Variants in ABCA10 observed in about 807,000 individuals in gnomAD.
The protein encoded by ABCA10 is ATP-binding cassette sub-family A member 10.
Under a neutral mutation model 187.5 loss-of-function variants are expected in ABCA10, and 169 were observed. The observed-to-expected ratio is 0.90, with a 90% CI of 0.80 to 1.02. The LOEUF (loss-of-function observed/expected upper bound fraction) is 1.02. Among genes scored for constraint, ABCA10 ranks in the 50% least tolerant of loss-of-function variants. The pLI, the probability that ABCA10 is intolerant of heterozygous loss-of-function variation, is 0.00. For missense variants in ABCA10, 1,727 were observed against 1,812.4 expected, an observed-to-expected ratio of 0.95 and a Z score of 0.86; for synonymous variants, 574 against 601.8, an observed-to-expected ratio of 0.95 and a Z score of 0.68.
chr17:69,216,459 A>G, intron 6 of ABCA10, 101 bp from the exon 7 acceptor site: 1 of 1,320,292 alleles, frequency 7.6e-7, no homozygotes, highest in Non-Finnish European at 1.0e-6. Context: ...AATCAGGACT[A>G]AATTTATTCT....
chr17:69,178,474 A>G (rs1435880216), intron 22 of ABCA10, among the ~76,000 whole-genome samples: 1 of 152,168 alleles, frequency 6.6e-6, no homozygotes, highest in Non-Finnish European at 1.5e-5. Flanking sequence ...CTACTAAATC[A>G]GAATCTCTGG....
chr17:69,234,315 G>A (rs1568078867), intron 1 of ABCA10: 1 of 152,484 alleles, frequency 6.6e-6, no homozygotes, highest in Non-Finnish European at 1.5e-5. Context: ...AAGGGCTGAA[G>A]TCAAGTCACA....
chr17:69,200,774 G>A (rs1598111739), intron 10 of ABCA10, among the ~76,000 whole-genome samples: 1 of 152,040 alleles, frequency 6.6e-6, no homozygotes. Flanking sequence ...TGCAAGTGGC[G>A]CCATACTGGC....
chr17:69,187,250 A>G (rs1327422262), intron 19 of ABCA10, among the ~76,000 whole-genome samples: 1 of 152,134 alleles, frequency 6.6e-6, no homozygotes, highest in East Asian at 1.9e-4. Context: ...TCCACCATAT[A>G]TTTCATACCA....
intron 1 of ABCA10, chr17:69,234,772 T>C (rs979297753): frequency 3.9e-5 from 6 of 152,226 alleles, no homozygotes; most frequent in Non-Finnish European, 1.5e-5. Context: ...AAAATTTGCA[T>C]AGAGCAATGA....
At chr17:69,219,493 G>C in intron 6 of ABCA10, 52 bp downstream of exon 6, 2 of 1,310,010 alleles carry the variant, frequency 1.5e-6, no homozygotes, top group Non-Finnish European at 2.0e-6. Flanking sequence ...AACCTAGTTA[G>C]TTTCTCTAAT....
chr17:69,214,871 A>T lies in ABCA10; in HGVS notation c.859-20T>A, dbSNP rs1000853040. On this transcript the variant is annotated intron_variant, in intron 8 of 38. Transcript: ENST00000690296. ...TGTAATCTGAGATTTAAAAGAAAAA[A>T]TAAAATGTTAGATGAACTTATAAAA... The T allele has an allele frequency of 6.9e-7, 1 of 1,454,186 alleles. No individual in the cohort carries two copies. The highest frequency in any genetic ancestry group is 9.1e-7 in the Non-Finnish European group (1 of 1,093,024). 90.1% of individuals were successfully genotyped at this position (1,454,186 alleles called of 1,614,324 possible). A position where few individuals can be genotyped will look rare whatever the true frequency, so the allele number is the denominator to read the frequency against.
intron 9 of ABCA10, among the ~76,000 whole-genome samples, chr17:69,203,564 C>A (rs1320651894): frequency 6.6e-6 from 1 of 152,108 alleles, no homozygotes; most frequent in Non-Finnish European, 1.5e-5. Context: ...CTGTTCTCCC[C>A]TCTGCATTAC....
intron 9 of ABCA10, among the ~76,000 whole-genome samples, chr17:69,210,832 CACATATTTATGCCACATATATATATATAT>C (rs2074639522): frequency 7.9e-6 from 1 of 126,648 alleles, no homozygotes; most frequent in African/African-American, 4.3e-5. Flanking sequence ...ATATATATGC[CACATATTTATGCCACATATATATATATAT>C]ATATGCCATA....
intron 35 of ABCA10, 74 bp from the exon 36 acceptor site, chr17:69,152,257 T>A: frequency 6.4e-7 from 1 of 1,572,192 alleles, no homozygotes; most frequent in Non-Finnish European, 8.6e-7. Context: ...GAGGAAGGTG[T>A]TTAATTACAG....
In ABCA10 at chr17:69,221,849, C is replaced by A. The variant is rs776028682; in HGVS notation, c.246G>T (p.Lys82Asn). ...MHGEIFCYLA[K>N]YWLKGFVAFQ... Reference sequence around the variant, plus strand: ...AAGCTACAAACCCTTTTAGCCAGTACTTTGCCAAGTAACAAAAAATTTCAC... The same window carrying A: ...AAGCTACAAACCCTTTTAGCCAGTAATTTGCCAAGTAACAAAAAATTTCAC... Residue 82 changes from lysine (K) to asparagine (N), a missense_variant, in exon 5 of 39, where the codon AAG (lysine) becomes AAT (asparagine). Transcript: ENST00000690296. 1.9e-6 allele frequency: 3 copies of A among 1,613,204 alleles called. No homozygotes were observed. In the East Asian group the frequency reaches 6.7e-5, roughly 36 times the overall value.
chr17:69,149,205 T>G, intron 37 of ABCA10, 117 bp from the exon 38 acceptor site: 1 of 1,070,990 alleles, frequency 9.3e-7, no homozygotes, highest in South Asian at 1.5e-5. Context: ...ATAGGCCAAA[T>G]AATTACATTT....
intron 27 of ABCA10, among the ~76,000 whole-genome samples, chr17:69,161,989 T>A (rs142119364): frequency 0.012 from 1,852 of 152,338 alleles, 64 homozygotes; most frequent in Admixed American, 0.083. Flanking sequence ...AAAATTCATC[T>A]CTTTCATCTC....
chr17:69,181,998 T>C (rs1304917873), intron 22 of ABCA10, among the ~76,000 whole-genome samples, 155 bp downstream of exon 22: 1 of 152,130 alleles, frequency 6.6e-6, no homozygotes, highest in East Asian at 1.9e-4. Flanking sequence ...TTACGCTCCC[T>C]ACTTTGCAGA....
At position 69,193,823 on chromosome 17, in the gene ABCA10, C is replaced by T. The variant is rs780742051; in HGVS notation, c.1512G>A (p.Val504=). The change falls in exon 13 of 39, where the codon GTG becomes GTA. Residue 504 remains valine (V), a synonymous_variant. Transcript: ENST00000690296. ...AKIKGIQPKE[V]EQEVKRIIME... Reference sequence around the variant, plus strand: ...TAATGTGTTCCTGTACCTCTTGTTCCACTTCCTTTGGCTGAATCCCTTTTA... The same window carrying T: ...TAATGTGTTCCTGTACCTCTTGTTCTACTTCCTTTGGCTGAATCCCTTTTA... 5.6e-6 allele frequency: 9 copies of T among 1,613,178 alleles called. No individual in the cohort carries two copies. The highest frequency in any genetic ancestry group is 7.6e-6 in the Non-Finnish European group (9 of 1,179,632).
At chr17:69,210,845 C>CATATATATATATATATATAT (rs1568069877) in intron 9 of ABCA10, among the ~76,000 whole-genome samples, 6 of 13,252 alleles carry the variant, frequency 4.5e-4, no homozygotes, top group African/African-American at 2.5e-3. Context: ...ATATTTATGC[C>CATATATATATATATATATAT]ACATATATAT....
chr17:69,218,218 G>A (rs570707030), intron 6 of ABCA10, among the ~76,000 whole-genome samples: 13 of 152,118 alleles, frequency 8.5e-5, no homozygotes, highest in African/African-American at 3.1e-4. Context: ...TAATAATATG[G>A]TATGCATTTC....
intron 6 of ABCA10, among the ~76,000 whole-genome samples, chr17:69,219,078 G>A (rs2074726696): frequency 6.6e-6 from 1 of 152,116 alleles, no homozygotes; most frequent in African/African-American, 2.4e-5. Flanking sequence ...ATGTGCTTGT[G>A]CAGAGAGACT....
At chr17:69,171,684 G>C (rs528706407) in intron 25 of ABCA10, among the ~76,000 whole-genome samples, 26 of 152,206 alleles carry the variant, frequency 1.7e-4, no homozygotes, top group Middle Eastern at 3.4e-3. Context: ...AGTCAGAGAA[G>C]GTTAGTCAAT....
Sources: gnomAD v4.1 joint callset for allele counts (sites outside exome capture counted in the v4.1 genomes callset) on GRCh38, gnomAD v4.1.1 for gene constraint, MANE v1.5 for transcripts, NCBI Gene and HGNC (gene_info 2026-07-23, HGNC 2026-07-21) for gene names.